The following RABGAP1L variants were observed in gnomAD, a reference collection of about 807,000 sequenced individuals.
The protein encoded by RABGAP1L is rab GTPase-activating protein 1-like.
In RABGAP1L, 63 loss-of-function variants were observed where a neutral mutation model predicts 137.7. That is an observed-to-expected ratio of 0.46 (90% CI 0.37 to 0.56). The LOEUF (loss-of-function observed/expected upper bound fraction) is 0.56, where lower values mean the gene tolerates loss of function less well. Ranked by LOEUF, RABGAP1L falls within the 20% of genes least tolerant of loss-of-function variation. The pLI, the probability that RABGAP1L is intolerant of heterozygous loss-of-function variation, is 0.00. For synonymous variants in RABGAP1L, 431 were observed against 433.7 expected, an observed-to-expected ratio of 0.99 and a Z score of 0.08; for missense variants, 1,095 against 1,244.0, an observed-to-expected ratio of 0.88 and a Z score of 1.80.
intron 7 of RABGAP1L, among the ~76,000 whole-genome samples, chr1:174,255,709 A>T (rs1355788738): frequency 2.0e-5 from 3 of 152,078 alleles, no homozygotes; most frequent in African/African-American, 4.8e-5. Flanking sequence ...TATTTTTAGT[A>T]GTGATGGGGT....
At chr1:174,229,074 G>T (rs1215731354) in intron 3 of RABGAP1L, among the ~76,000 whole-genome samples, 2 of 151,770 alleles carry the variant, frequency 1.3e-5, no homozygotes, top group Non-Finnish European at 2.9e-5. Context: ...CGAAGCAATC[G>T]TAGATTCATT....
rs71117567 is a variant in RABGAP1L at position 174,534,775 on chromosome 1, C to CAAAAAAAAA, written c.1711-102579_1711-102571dup. 1.0e-3 allele frequency among the ~76,000 whole-genome samples: 73 copies of CAAAAAAAAA among 71,622 alleles called. 6 individuals are homozygous for CAAAAAAAAA. The East Asian group carries it at 0.013, about 13-fold the overall frequency. 47.0% of individuals were successfully genotyped at this position (71,622 alleles called of 152,430 possible). The stretch of plus-strand genomic sequence containing the variant: ...GGATGACAGAGCGAAACTCTGTCTC[C>CAAAAAAAAA]AAAAAAAAAAAAAAAAAAAAAAAAA... On this transcript the variant is annotated intron_variant, in intron 13 of 25. Coordinates refer to ENST00000681986, the MANE Select transcript of RABGAP1L (RefSeq NM_001366446.1).
At chr1:174,860,536 CA>C (rs2149019074) in intron 19 of RABGAP1L, among the ~76,000 whole-genome samples, 1 of 152,238 alleles carries the variant, frequency 6.6e-6, no homozygotes, top group South Asian at 2.1e-4. Context: ...CTTGAATCCT[CA>C]AAATAATAAA....
At chr1:174,708,408 A>G (rs924671245) in intron 17 of RABGAP1L, among the ~76,000 whole-genome samples, 2 of 152,158 alleles carry the variant, frequency 1.3e-5, no homozygotes, top group Non-Finnish European at 2.9e-5. Flanking sequence ...ACCAATGCAG[A>G]GGGTGGGTGA....
intron 13 of RABGAP1L, among the ~76,000 whole-genome samples, chr1:174,596,601 C>T (rs1355637121): frequency 6.6e-6 from 1 of 152,056 alleles, no homozygotes; most frequent in Non-Finnish European, 1.5e-5. Context: ...CTTCTCAGTT[C>T]TAATAATTTC....
rs1656764888 is a variant in RABGAP1L at position 174,462,158 on chromosome 1, C to A, written c.1710+68013C>A. Among the ~76,000 whole-genome samples the A allele has an allele frequency of 3.3e-5, 5 of 152,040 alleles. No homozygotes were observed. In the South Asian group the frequency reaches 1.0e-3, roughly 32 times the overall value. On this transcript the variant is annotated intron_variant, in intron 13 of 25. Transcript: ENST00000681986. ...TAATAATACTTCTTTTAATGGTGCTCAGGGCTGAATAAAATGTTACGTGTG... is the reference window on the plus strand; with the variant it reads ...TAATAATACTTCTTTTAATGGTGCTAAGGGCTGAATAAAATGTTACGTGTG...
At chr1:174,764,251 A>T (rs550766851) in intron 18 of RABGAP1L, among the ~76,000 whole-genome samples, 1 of 152,244 alleles carries the variant, frequency 6.6e-6, no homozygotes, top group East Asian at 1.9e-4. Flanking sequence ...GATTGTTATG[A>T]ATAATACTAC....
chr1:174,754,725 C>G (rs1405272021), intron 18 of RABGAP1L, among the ~76,000 whole-genome samples: 2 of 152,076 alleles, frequency 1.3e-5, no homozygotes, highest in Non-Finnish European at 2.9e-5. Flanking sequence ...TGGTCTCAAA[C>G]TCCTGGACTC....
intron 13 of RABGAP1L, among the ~76,000 whole-genome samples, chr1:174,470,082 C>T (rs930572184): frequency 1.7e-4 from 26 of 152,094 alleles, no homozygotes; most frequent in Admixed American, 1.7e-3. Flanking sequence ...ACAGCCATGA[C>T]CCATCTTGAA....
intron 14 of RABGAP1L, among the ~76,000 whole-genome samples, chr1:174,650,168 A>G (rs1460751498): frequency 6.6e-6 from 1 of 152,186 alleles, no homozygotes; most frequent in Non-Finnish European, 1.5e-5. Context: ...CCAGCCTTGC[A>G]TCCCAGGGAT....
chr1:174,221,890 TA>T (rs1669783561), intron 3 of RABGAP1L, among the ~76,000 whole-genome samples: 2 of 152,214 alleles, frequency 1.3e-5, no homozygotes, highest in Non-Finnish European at 2.9e-5. Flanking sequence ...TACTGATTTT[TA>T]AAATTTCTTT....
intron 11 of RABGAP1L, among the ~76,000 whole-genome samples, chr1:174,343,437 C>G (rs568316583): frequency 1.3e-5 from 2 of 152,136 alleles, no homozygotes; most frequent in Non-Finnish European, 2.9e-5. Flanking sequence ...ATAAATTTGC[C>G]AACAGTAGAT....
At chr1:174,597,381 C>G (rs1670035484) in intron 13 of RABGAP1L, among the ~76,000 whole-genome samples, 1 of 152,142 alleles carries the variant, frequency 6.6e-6, no homozygotes, top group East Asian at 1.9e-4. Context: ...TATTACATCT[C>G]AGTCTCATTA....
chr1:174,582,199 C>A (rs990989426), intron 13 of RABGAP1L, among the ~76,000 whole-genome samples: 1 of 151,894 alleles, frequency 6.6e-6, no homozygotes, highest in Non-Finnish European at 1.5e-5. Flanking sequence ...TGGCAAAAAA[C>A]CCATCTGTAC....
rs190764494 is a variant in RABGAP1L, at chr1:174,806,515, G to A, written c.2212-5317G>A. Among the ~76,000 whole-genome samples the A allele has an allele frequency of 1.1e-4, 16 of 152,334 alleles. No individual in the cohort carries two copies. In the East Asian group the frequency reaches 3.1e-3, roughly 29 times the overall value. ...CCAAGCTACTAGGAAGGCTGAGACA[G>A]GAGGATTGCTTAAGCCCAGGAGTTT... On this transcript the variant is annotated intron_variant, in intron 18 of 25. Transcript: ENST00000681986.
intron 17 of RABGAP1L, among the ~76,000 whole-genome samples, chr1:174,749,635 A>G (rs1405083039): frequency 6.6e-6 from 1 of 152,180 alleles, no homozygotes; most frequent in Non-Finnish European, 1.5e-5. Context: ...CTGGGTTAAG[A>G]TAAGGGCTTG....
intron 13 of RABGAP1L, among the ~76,000 whole-genome samples, chr1:174,474,598 T>TGATG (rs1558265016): frequency 1.1e-4 from 16 of 148,574 alleles, no homozygotes; most frequent in Middle Eastern, 3.5e-3. Context: ...TGATGATGAT[T>TGATG]ATTATTATTA....
intron 18 of RABGAP1L, among the ~76,000 whole-genome samples, chr1:174,763,523 C>T (rs578161238): frequency 4.2e-3 from 628 of 150,950 alleles, no homozygotes; most frequent in Middle Eastern, 0.017. Flanking sequence ...TGGTAGCGGG[C>T]GCCTGTAGTC....
At chr1:174,518,775 G>A (rs1017821879) in intron 13 of RABGAP1L, among the ~76,000 whole-genome samples, 1 of 152,164 alleles carries the variant, frequency 6.6e-6, no homozygotes, top group African/African-American at 2.4e-5. Flanking sequence ...AGAGGAATAT[G>A]CATTATGGCA....
Sources: allele counts gnomAD v4.1 joint callset (sites outside exome capture counted in the v4.1 genomes callset), GRCh38; gene constraint gnomAD v4.1.1; transcripts MANE v1.5; gene names NCBI Gene and HGNC (gene_info 2026-07-23, HGNC 2026-07-21).